SEC16B: variants seen among roughly 807,000 people sequenced by gnomAD.
SEC16B encodes protein transport protein Sec16B.
A neutral mutation model predicts 141.8 loss-of-function variants in SEC16B; 115 were observed. That is an observed-to-expected ratio of 0.81 (90% confidence interval 0.70 to 0.95). The LOEUF (loss-of-function observed/expected upper bound fraction) is 0.95. Ranked by LOEUF, SEC16B falls within the 40% of genes least tolerant of loss-of-function variation. SEC16B has a pLI of 0.00. For synonymous variants in SEC16B, 493 were observed against 492.5 expected, an observed-to-expected ratio of 1.00 and a Z score of -0.01; for missense variants, 1,291 against 1,312.3, an observed-to-expected ratio of 0.98 and a Z score of 0.25.
Position 177,929,896 on chromosome 1 carries a change from G to A in SEC16B, c.3145C>T (p.Arg1049Cys), listed in dbSNP as rs377206654. ...PTATSLNRPN[R>C]LAQRRYPTQP... Reference sequence around the variant, plus strand: ...GTGGGATAGCGACGCTGAGCTAGGCGATTTGGCCGATTCAGGCTAGTGGCC... The same window carrying A: ...GTGGGATAGCGACGCTGAGCTAGGCAATTTGGCCGATTCAGGCTAGTGGCC... The change falls in exon 26 of 26, where the codon CGC (arginine) becomes TGC (cysteine). Residue 1049 changes from arginine to cysteine, a missense_variant. Around this residue, in one of 3 missense-constraint regions of SEC16B, gnomAD observed 605 missense variants for 614.1 expected, o/e 0.99. Coordinates refer to ENST00000308284, the MANE Select transcript of SEC16B (RefSeq NM_033127.4). The A allele has an allele frequency of 3.0e-5, 48 of 1,613,786 alleles. No individual in the cohort carries two copies. Among genetic ancestry groups the A allele is most frequent in the Middle Eastern group, 1.6e-4 (1 of 6,080 alleles).
Position 177,953,838 on chromosome 1 carries a change from G to A in SEC16B, c.1463+441C>T, listed in dbSNP as rs138480039. Among the ~76,000 whole-genome samples, 723 of 151,924 alleles carry A rather than the reference G, an allele frequency of 4.8e-3. 10 individuals carry two copies. The highest frequency in any genetic ancestry group is 0.016 in the African/African-American group (664 of 41,392). On this transcript the variant is annotated intron_variant, in intron 11 of 25. Transcript: ENST00000308284. ...AACTCCTTTTCCTACCACAGCTCACGACCCTGCTACCCCACACCCCCACCC... is the reference window on the plus strand; with the variant it reads ...AACTCCTTTTCCTACCACAGCTCACAACCCTGCTACCCCACACCCCCACCC...
intron 8 of SEC16B, chr1:177,959,212 C>T (rs1016054178): frequency 1.5e-5 from 8 of 522,170 alleles, no homozygotes; most frequent in African/African-American, 1.3e-4. Context: ...AACAGAGGCT[C>T]AGAGACCTGA....
chr1:177,979,780 A>G (rs1255181716), intron 1 of SEC16B, among the ~76,000 whole-genome samples: 2 of 152,334 alleles, frequency 1.3e-5, no homozygotes, highest in Admixed American at 1.3e-4. Context: ...AGCAAGTCAC[A>G]TCTTATGTGG....
At chr1:177,933,777 G>C (rs540034131) in intron 20 of SEC16B, 141 bp from the exon 21 acceptor site, 7 of 846,230 alleles carry the variant, frequency 8.3e-6, no homozygotes, top group Non-Finnish European at 9.0e-6. Flanking sequence ...AGGAAGGAAG[G>C]CTCAGCCATG....
intron 11 of SEC16B, among the ~76,000 whole-genome samples, chr1:177,952,457 A>G (rs1376477445): frequency 1.3e-5 from 2 of 152,098 alleles, no homozygotes; most frequent in African/African-American, 4.8e-5. Context: ...GCTCATCAAG[A>G]GCCTGGGTCT....
At chr1:177,942,934 A>T (rs1051868463) in intron 15 of SEC16B, among the ~76,000 whole-genome samples, 2 of 152,158 alleles carry the variant, frequency 1.3e-5, no homozygotes, top group African/African-American at 4.8e-5. Context: ...GTTGTTATGG[A>T]GATTAAATGA....
upstream of SEC16B, chr1:177,973,330 A>G (rs1459508193): frequency 1.3e-5 from 2 of 152,124 alleles, no homozygotes; most frequent in African/African-American, 4.8e-5. Flanking sequence ...AAATTTAGAA[A>G]ACAAGTTGAG....
chr1:177,951,596 G>A (rs1292239011), intron 12 of SEC16B, among the ~76,000 whole-genome samples: 2 of 152,134 alleles, frequency 1.3e-5, no homozygotes, highest in Non-Finnish European at 1.5e-5. Context: ...TTTTGGGAAG[G>A]CCAAGGTCTT....
At chr1:177,948,007 G>A in intron 12 of SEC16B, 65 bp from the exon 13 acceptor site, 1 of 1,253,778 alleles carries the variant, frequency 8.0e-7, no homozygotes, top group South Asian at 1.3e-5. Context: ...CATAAAGAAG[G>A]CTGTTGTCTA....
chr1:177,937,571 G>C (rs1248205211), intron 18 of SEC16B, 58 bp from the exon 19 acceptor site: 8 of 1,353,086 alleles, frequency 5.9e-6, no homozygotes, highest in Non-Finnish European at 7.9e-6. Flanking sequence ...TTTGCATACT[G>C]ATCACACCAG....
intron 13 of SEC16B, among the ~76,000 whole-genome samples, chr1:177,946,742 A>G (rs1651747494): frequency 6.6e-6 from 1 of 152,134 alleles, no homozygotes; most frequent in East Asian, 1.9e-4. Flanking sequence ...CAGACGTTAC[A>G]TTTCTCTTCA....
At chr1:177,965,845 G>A in intron 3 of SEC16B, 48 bp downstream of exon 3, 4 of 1,216,802 alleles carry the variant, frequency 3.3e-6, no homozygotes, top group Non-Finnish European at 4.7e-6. Flanking sequence ...TCTCAGACCA[G>A]CTGCCCCATC....
intron 15 of SEC16B, 33 bp downstream of exon 15, chr1:177,944,528 G>A: frequency 6.5e-7 from 1 of 1,547,154 alleles, no homozygotes; most frequent in East Asian, 2.2e-5. Context: ...CTGCCTGACA[G>A]TGACGGTGGT....
At chr1:177,950,343 G>T (rs1652076189) in intron 12 of SEC16B, among the ~76,000 whole-genome samples, 1 of 152,264 alleles carries the variant, frequency 6.6e-6, no homozygotes, top group Non-Finnish European at 1.5e-5. Context: ...TGGCTGGAGA[G>T]CAGCAAAGGC....
chr1:177,958,784 C>A, intron 9 of SEC16B, 56 bp downstream of exon 9: 1 of 1,560,728 alleles, frequency 6.4e-7, no homozygotes, highest in Middle Eastern at 2.0e-4. Context: ...TCTTATCTAT[C>A]CCATGAAGAC....
At chr1:177,948,509 T>G in intron 12 of SEC16B, 1 of 1,304,250 alleles carries the variant, frequency 7.7e-7, no homozygotes, top group Non-Finnish European at 1.0e-6. Context: ...TCAAGCCAAG[T>G]GGCCCAGCTA....
intron 20 of SEC16B, among the ~76,000 whole-genome samples, chr1:177,934,898 C>A (rs571704290): frequency 6.6e-6 from 1 of 152,094 alleles, no homozygotes; most frequent in African/African-American, 2.4e-5. Flanking sequence ...CACCAGAATG[C>A]GAGCTCCTTA....
At chr1:177,946,577 T>C (rs992904845) in intron 13 of SEC16B, 46 bp from the exon 14 acceptor site, 28 of 1,436,400 alleles carry the variant, frequency 1.9e-5, no homozygotes, top group Non-Finnish European at 2.7e-5. Context: ...CACACCCGTA[T>C]GGGGAGCCAT....
At chr1:177,965,271 T>A in intron 3 of SEC16B, 104 bp from the exon 4 acceptor site, 1 of 1,358,882 alleles carries the variant, frequency 7.4e-7, no homozygotes, top group Non-Finnish European at 1.0e-6. Context: ...GCACAGTAGA[T>A]CTAAAAACAT....
Sources: gnomAD v4.1 joint callset for allele counts (sites outside exome capture counted in the v4.1 genomes callset) on GRCh38, gnomAD v4.1.1 for gene constraint, gnomAD v4.1.1 regional missense constraint, MANE v1.5 for transcripts, NCBI Gene and HGNC (gene_info 2026-07-23, HGNC 2026-07-21) for gene names.